MED12L: variants seen among roughly 807,000 people sequenced by gnomAD.
The protein encoded by MED12L is mediator of RNA polymerase II transcription subunit 12-like protein.
MED12L carries 60 observed loss-of-function variants against 281.3 expected under a neutral mutation model. The ratio of observed to expected loss-of-function variants is 0.21; its 90% CI spans 0.17 to 0.26. The LOEUF (loss-of-function observed/expected upper bound fraction) is 0.26. Ranked by LOEUF, MED12L falls within the 10% of genes least tolerant of loss-of-function variation. The pLI is 1.00. For synonymous variants in MED12L, 974 were observed against 987.2 expected, an observed-to-expected ratio of 0.99 and a Z score of 0.25; for missense variants, 2,146 against 2,680.9, an observed-to-expected ratio of 0.80 and a Z score of 4.41.
At position 151,122,897 on chromosome 3, in the gene MED12L, G is replaced by A. The variant is rs1443090134; in HGVS notation, c.319G>A (p.Ala107Thr). The change falls in exon 4 of 45, where the codon GCT becomes ACT. Residue 107 changes from alanine to threonine, a missense_variant. Transcript: ENST00000687756. ...NAKDNYWLVT[A>T]RSQSAIHSWF... Reference sequence around the variant, plus strand: ...TAAAGATAATTATTGGCTGGTTACTGCTCGATCCCAGAGTGCAATTCATAG... The same window carrying A: ...TAAAGATAATTATTGGCTGGTTACTACTCGATCCCAGAGTGCAATTCATAG... 2 of 1,612,796 alleles carry A rather than the reference G, an allele frequency of 1.2e-6. No homozygotes were observed. Among genetic ancestry groups the A allele is most frequent in the Non-Finnish European group, 1.7e-6 (2 of 1,179,470 alleles).
chr3:151,169,311 G>A (rs140500005), intron 11 of MED12L, among the ~76,000 whole-genome samples: 4 of 151,814 alleles, frequency 2.6e-5, no homozygotes, highest in African/African-American at 9.7e-5. Flanking sequence ...AGTATAGATT[G>A]GGTTTCACCA....
At chr3:151,307,236 T>G (rs1479850746) in intron 16 of MED12L, among the ~76,000 whole-genome samples, 2 of 152,230 alleles carry the variant, frequency 1.3e-5, no homozygotes, top group South Asian at 4.1e-4. Flanking sequence ...ATGCTAAGAT[T>G]ATAGCTCTGC....
intron 9 of MED12L, among the ~76,000 whole-genome samples, chr3:151,164,394 C>G (rs573566187): frequency 6.6e-6 from 1 of 152,154 alleles, no homozygotes; most frequent in African/African-American, 2.4e-5. Flanking sequence ...GTTTCAAAGC[C>G]TTATGTGACT....
rs933767771 is a variant in MED12L at position 151,218,346 on chromosome 3, G to C, written c.2250+24680G>C. ...TAAAAGATGAACAGGACTTCTGGATGATGATTAACTGGATTACTGGATAAG... is the reference window on the plus strand; with the variant it reads ...TAAAAGATGAACAGGACTTCTGGATCATGATTAACTGGATTACTGGATAAG... On this transcript the variant is annotated intron_variant, in intron 16 of 44. Coordinates refer to ENST00000687756, the MANE Select transcript of MED12L (RefSeq NM_001393769.1). 3.3e-5 allele frequency among the ~76,000 whole-genome samples: 5 copies of C among 152,170 alleles called. No homozygotes were observed. In the East Asian group the frequency reaches 9.6e-4, roughly 29 times the overall value.
chr3:151,165,950 T>C lies in MED12L; in HGVS notation c.1462T>C (p.Phe488Leu). Residue 488 changes from phenylalanine to leucine, a missense_variant, in exon 11 of 45, where the codon TTC becomes CTC. Coordinates refer to ENST00000687756, the MANE Select transcript of MED12L (RefSeq NM_001393769.1). ...CATGGAGACACTTTATCATAAGATT[T>C]TCTGGGCAAACCAAAACAAAGATAA... ...NSMETLYHKIFWANQNKDNQE... is the reference protein window; with the variant it reads ...NSMETLYHKILWANQNKDNQE... The C allele has an allele frequency of 6.2e-7, 1 of 1,613,534 alleles. No homozygotes were observed. Among genetic ancestry groups the C allele is most frequent in the Non-Finnish European group, 8.5e-7 (1 of 1,179,740 alleles).
In MED12L at chr3:151,369,384, A is replaced by G. The variant is rs1325584925; in HGVS notation, c.3551-52A>G. 6 of 1,269,858 alleles carry G rather than the reference A, an allele frequency of 4.7e-6. No individual in the cohort carries two copies. The Admixed American group carries it at 8.2e-5, about 17-fold the overall frequency. The allele number at this position is 1,269,858 out of a possible 1,614,324, so 78.7% of individuals were successfully genotyped here. ...GGCTGACTGCCTGTAAATAATTACA[A>G]AACATTACTAATGATGGTAATGAGA... On this transcript the variant is annotated intron_variant, in intron 25 of 44. Coordinates refer to ENST00000687756, the MANE Select transcript of MED12L (RefSeq NM_001393769.1).
intron 16 of MED12L, among the ~76,000 whole-genome samples, chr3:151,226,555 C>G (rs1369318730): frequency 6.6e-6 from 1 of 152,062 alleles, no homozygotes; most frequent in Non-Finnish European, 1.5e-5. Context: ...TGAATGTGAT[C>G]CTTTACACAG....
At chr3:151,395,129 G>A (rs1006041732) in intron 39 of MED12L, among the ~76,000 whole-genome samples, 3 of 152,052 alleles carry the variant, frequency 2.0e-5, no homozygotes, top group East Asian at 1.9e-4. Context: ...GATGACTTTT[G>A]GTCAATTAGA....
chr3:151,152,480 T>C (rs1718687448), intron 5 of MED12L, among the ~76,000 whole-genome samples: 1 of 152,122 alleles, frequency 6.6e-6, no homozygotes, highest in Non-Finnish European at 1.5e-5. Flanking sequence ...ATTATATTAA[T>C]CATGGGGTGT....
chr3:151,371,011 C>T (rs1401946905), intron 26 of MED12L, among the ~76,000 whole-genome samples: 1 of 152,194 alleles, frequency 6.6e-6, no homozygotes, highest in East Asian at 1.9e-4. Flanking sequence ...ACTGAACGCT[C>T]AAATGTATTC....
intron 16 of MED12L, among the ~76,000 whole-genome samples, chr3:151,230,509 G>C (rs766437877): frequency 6.6e-6 from 1 of 150,842 alleles, no homozygotes; most frequent in Non-Finnish European, 1.5e-5. Context: ...ACTACACTTT[G>C]ATGCTCATTG....
intron 2 of MED12L, among the ~76,000 whole-genome samples, chr3:151,093,292 G>A (rs757285339): frequency 6.6e-6 from 1 of 152,154 alleles, no homozygotes; most frequent in African/African-American, 2.4e-5. Context: ...CTATAGAGTG[G>A]TACCCTGTCT....
chr3:151,101,630 G>A (rs1721404146), intron 2 of MED12L, among the ~76,000 whole-genome samples: 1 of 151,474 alleles, frequency 6.6e-6, no homozygotes, highest in African/African-American at 2.4e-5. Context: ...AGAAAAAGCT[G>A]GAAGGGAGGA....
chr3:151,236,839 C>T (rs1732920175), intron 16 of MED12L, among the ~76,000 whole-genome samples: 1 of 151,994 alleles, frequency 6.6e-6, no homozygotes, highest in Non-Finnish European at 1.5e-5. Context: ...TACTGTATAG[C>T]ATTCTGCTGT....
chr3:151,297,530 G>A (rs1305674255), intron 16 of MED12L, among the ~76,000 whole-genome samples: 1 of 152,174 alleles, frequency 6.6e-6, no homozygotes, highest in Admixed American at 6.5e-5. Context: ...GCTGTGCCTT[G>A]TAACAATTAC....
intron 8 of MED12L, among the ~76,000 whole-genome samples, chr3:151,161,106 A>G (rs1323649554): frequency 1.3e-5 from 2 of 152,156 alleles, no homozygotes; most frequent in Non-Finnish European, 2.9e-5. Context: ...CAGCAAAGTG[A>G]CACAGGTAGT....
At chr3:151,357,447 G>A in intron 20 of MED12L, 71 bp downstream of exon 20, 1 of 1,354,974 alleles carries the variant, frequency 7.4e-7, no homozygotes, top group Non-Finnish European at 9.9e-7. Flanking sequence ...ATATTATAGT[G>A]GCTTTAAAAG....
At chr3:151,300,767 G>C (rs1265577430) in intron 16 of MED12L, among the ~76,000 whole-genome samples, 3 of 152,202 alleles carry the variant, frequency 2.0e-5, no homozygotes, top group Non-Finnish European at 4.4e-5. Context: ...CTTGAGGCTG[G>C]TGTGAGCAGT....
chr3:151,174,563 T>C (rs1286274741), intron 11 of MED12L, among the ~76,000 whole-genome samples: 1 of 152,180 alleles, frequency 6.6e-6, no homozygotes, highest in Non-Finnish European at 1.5e-5. Flanking sequence ...ATGGTATATG[T>C]TTGGTTTATC....
Sources: gnomAD v4.1 joint callset for allele counts (sites outside exome capture counted in the v4.1 genomes callset) on GRCh38, gnomAD v4.1.1 for gene constraint, MANE v1.5 for transcripts, NCBI Gene and HGNC (gene_info 2026-07-23, HGNC 2026-07-21) for gene names.